The following COLGALT2 variants were observed in gnomAD, a reference collection of about 807,000 sequenced individuals.
The protein encoded by COLGALT2 is collagen beta(1-O)galactosyltransferase 2, also known as procollagen galactosyltransferase 2.
In COLGALT2, 49 loss-of-function variants were observed where a neutral mutation model predicts 73.4. The ratio of observed to expected loss-of-function variants is 0.67; its 90% CI spans 0.53 to 0.85. The LOEUF is 0.85. COLGALT2 is among the 40% of genes least tolerant of loss of function. COLGALT2 has a pLI of 0.00. For missense variants in COLGALT2, 722 were observed against 790.2 expected, an observed-to-expected ratio of 0.91 and a Z score of 1.03; for synonymous variants, 295 against 307.6, an observed-to-expected ratio of 0.96 and a Z score of 0.43.
intron 1 of COLGALT2, among the ~76,000 whole-genome samples, chr1:183,984,992 G>A (rs10911479): frequency 0.044 from 6,548 of 147,792 alleles, 507 homozygotes; most frequent in African/African-American, 0.15. Flanking sequence ...ACGCTTTACT[G>A]CTTGGCTGTG....
intron 11 of COLGALT2, 70 bp downstream of exon 11, chr1:183,940,511 C>G: frequency 3.0e-6 from 4 of 1,338,598 alleles, no homozygotes; most frequent in Non-Finnish European, 4.3e-6. Flanking sequence ...TCAAGTACTA[C>G]CAGAAATGGA....
chr1:183,977,812 A>AGAGAGAGAGAGAGAGAG (rs1553317022), intron 2 of COLGALT2, among the ~76,000 whole-genome samples: 3 of 52,318 alleles, frequency 5.7e-5, no homozygotes, highest in African/African-American at 1.2e-4. Context: ...GAAAGAGAGA[A>AGAGAGAGAGAGAGAGAG]AGAGAGAGAG....
At chr1:183,953,284 C>A (rs1332169064) in intron 7 of COLGALT2, among the ~76,000 whole-genome samples, 1 of 152,138 alleles carries the variant, frequency 6.6e-6, no homozygotes, top group Non-Finnish European at 1.5e-5. Context: ...TTCTACCATG[C>A]TATCTCTGTT....
At chr1:183,932,304 T>C (rs3748554), downstream of COLGALT2, among the ~76,000 whole-genome samples, 43,854 of 152,032 alleles carry the variant, frequency 0.29, 6,499 homozygotes, top group East Asian at 0.47. Context: ...ATCTGAAAGA[T>C]AGAGATTAAT....
chr1:183,963,837 G>A, intron 6 of COLGALT2, 64 bp downstream of exon 6: 2 of 1,418,330 alleles, frequency 1.4e-6, no homozygotes, highest in Non-Finnish European at 9.3e-7. Flanking sequence ...GAGGAGGGAA[G>A]TGGCTGGTAT....
intron 1 of COLGALT2, among the ~76,000 whole-genome samples, chr1:183,997,221 T>TC (rs941493791): frequency 3.3e-5 from 5 of 151,706 alleles, no homozygotes; most frequent in Non-Finnish European, 5.9e-5. Flanking sequence ...TAAAAAAGAT[T>TC]CCCCCCACAG....
intron 5 of COLGALT2, among the ~76,000 whole-genome samples, chr1:183,968,504 G>A (rs1161921905): frequency 2.0e-5 from 3 of 152,158 alleles, no homozygotes; most frequent in East Asian, 1.9e-4. Context: ...GAGACTGTTC[G>A]GTGCCTCTTT....
chr1:183,932,482 G>A (rs543080828), downstream of COLGALT2, among the ~76,000 whole-genome samples: 12 of 152,132 alleles, frequency 7.9e-5, no homozygotes, highest in Admixed American at 5.2e-4. Flanking sequence ...ACCTCCTCCC[G>A]GGAGGAGCCA....
At chr1:184,008,930 C>T (rs531496737) in intron 1 of COLGALT2, among the ~76,000 whole-genome samples, 9 of 152,112 alleles carry the variant, frequency 5.9e-5, no homozygotes, top group African/African-American at 2.2e-4. Flanking sequence ...GCAAATATAA[C>T]AAAATGTTGG....
chr1:184,000,269 A>C (rs1347812378), intron 1 of COLGALT2, among the ~76,000 whole-genome samples: 1 of 152,016 alleles, frequency 6.6e-6, no homozygotes, highest in Non-Finnish European at 1.5e-5. Flanking sequence ...AGAGAAGAAA[A>C]TATGTTCTGC....
At chr1:183,939,514 G>C (rs1670051860) in intron 11 of COLGALT2, among the ~76,000 whole-genome samples, 1 of 152,246 alleles carries the variant, frequency 6.6e-6, no homozygotes, top group African/African-American at 2.4e-5. Context: ...AAAGGAGACG[G>C]ATGACTTGGC....
intron 1 of COLGALT2, among the ~76,000 whole-genome samples, chr1:183,995,554 C>G (rs1671748370): frequency 6.6e-6 from 1 of 152,234 alleles, no homozygotes; most frequent in Non-Finnish European, 1.5e-5. Flanking sequence ...GGCGCAGCCT[C>G]CGGAAGCCAG....
chr1:184,000,843 T>C (rs1429436751), intron 1 of COLGALT2, among the ~76,000 whole-genome samples: 1 of 148,898 alleles, frequency 6.7e-6, no homozygotes, highest in Non-Finnish European at 1.5e-5. Flanking sequence ...TTTTTTTTTT[T>C]TTTTGAGACT....
At chr1:183,973,896 C>T in intron 3 of COLGALT2, 146 bp from the exon 4 acceptor site, 3 of 712,022 alleles carry the variant, frequency 4.2e-6, no homozygotes, top group Non-Finnish European at 6.9e-6. Flanking sequence ...AAACCCATTG[C>T]AGCTAGGTGG....
At chr1:184,006,359 C>T (rs1044443365) in intron 1 of COLGALT2, among the ~76,000 whole-genome samples, 1 of 151,994 alleles carries the variant, frequency 6.6e-6, no homozygotes, top group Non-Finnish European at 1.5e-5. Flanking sequence ...CCGAGGTGGG[C>T]GGATCACCTG....
At position 183,937,932 on chromosome 1, in the gene COLGALT2, G is replaced by C. The variant is rs890602037; in HGVS notation, c.*829C>G. On this transcript the variant is annotated 3_prime_UTR_variant, in exon 12 of 12. Transcript: ENST00000361927. ...TGTAGCAGCGCGCAAACCCGGGACAGGGCAGGATGCACAGCCAGTCCTCAC... is the reference window on the plus strand; with the variant it reads ...TGTAGCAGCGCGCAAACCCGGGACACGGCAGGATGCACAGCCAGTCCTCAC... The C allele has an allele frequency of 7.1e-6, 7 of 985,274 alleles. No homozygotes were observed. The highest frequency in any genetic ancestry group is 8.4e-6 in the Non-Finnish European group (7 of 829,946). 61.0% of individuals were successfully genotyped at this position (985,274 alleles called of 1,614,324 possible).
intron 10 of COLGALT2, 23 bp downstream of exon 10, chr1:183,944,173 C>G (rs780603766): frequency 6.2e-7 from 1 of 1,601,882 alleles, no homozygotes; most frequent in South Asian, 1.1e-5. Flanking sequence ...AGAGCCCTCT[C>G]GTAAGATCAT....
chr1:183,948,679 T>A (rs1361465569), intron 8 of COLGALT2, among the ~76,000 whole-genome samples: 1 of 152,166 alleles, frequency 6.6e-6, no homozygotes, highest in Non-Finnish European at 1.5e-5. Flanking sequence ...GAAACTGCAC[T>A]CAACAGTTCT....
At chr1:184,010,386 T>C (rs1672203175) in intron 1 of COLGALT2, among the ~76,000 whole-genome samples, 1 of 152,198 alleles carries the variant, frequency 6.6e-6, no homozygotes. Flanking sequence ...TGTCTACAGG[T>C]ATTTACCAAC....
Sources: allele counts gnomAD v4.1 joint callset (sites outside exome capture counted in the v4.1 genomes callset), GRCh38; gene constraint gnomAD v4.1.1; transcripts MANE v1.5; gene names NCBI Gene and HGNC (gene_info 2026-07-23, HGNC 2026-07-21).